Variants in PLCE1 observed in about 807,000 individuals in gnomAD.
The protein encoded by PLCE1 is phospholipase C epsilon 1, also known as 1-phosphatidylinositol 4,5-bisphosphate phosphodiesterase epsilon-1.
A neutral mutation model predicts 242.8 loss-of-function variants in PLCE1; 119 were observed. That is an observed-to-expected ratio of 0.49 (90% CI 0.42 to 0.57). The LOEUF is 0.57. Ranked by LOEUF, PLCE1 falls within the 20% of genes least tolerant of loss-of-function variation. The probability of loss-of-function intolerance (pLI) is 0.00; values close to 1 mark genes in which losing one functional copy is unlikely to be tolerated. For missense variants in PLCE1, 2,441 were observed against 2,788.8 expected (o/e 0.88, Z 2.81); for synonymous variants, 945 against 1,017.4 (o/e 0.93, Z 1.35).
In PLCE1 at chr10:94,253,564, A is replaced by C. The variant is rs374202593; in HGVS notation, c.3280-626A>C. 2.4e-3 allele frequency among the ~76,000 whole-genome samples: 372 copies of C among 152,224 alleles called. 3 individuals are homozygous for C. Among genetic ancestry groups the C allele is most frequent in the Admixed American group, 6.8e-3 (104 of 15,290 alleles). ...GAGACAGGGTCTCACTATGTTGCCC[A>C]GGCTGGTCTCGAACTCCAGGCCTTA... is the stretch of plus-strand genomic sequence containing the variant. On this transcript the variant is annotated intron_variant, in intron 9 of 32. Transcript: ENST00000371380.
intron 11 of PLCE1, among the ~76,000 whole-genome samples, 185 bp from the exon 12 acceptor site, chr10:94,258,615 T>C (rs2051185628): frequency 6.6e-6 from 1 of 152,222 alleles, no homozygotes; most frequent in South Asian, 2.1e-4. Context: ...ACATAGAACA[T>C]GTTTTATTTC....
intron 1 of PLCE1, among the ~76,000 whole-genome samples, chr10:93,999,806 C>T (rs1350651824): frequency 2.6e-5 from 4 of 152,190 alleles, no homozygotes; most frequent in South Asian, 2.1e-4. Flanking sequence ...TGCTCCAGCC[C>T]GGAATTCCAC....
At chr10:94,292,970 C>T (rs1338176671) in intron 22 of PLCE1, among the ~76,000 whole-genome samples, 4 of 152,320 alleles carry the variant, frequency 2.6e-5, no homozygotes, top group East Asian at 1.9e-4. Flanking sequence ...GAAAGAGAAG[C>T]CATAAACATC....
chr10:94,168,082 A>G (rs751171452), intron 3 of PLCE1, among the ~76,000 whole-genome samples: 1 of 152,188 alleles, frequency 6.6e-6, no homozygotes, highest in Non-Finnish European at 1.5e-5. Flanking sequence ...GAAGAGCCAC[A>G]GTGTCCAGTG....
At chr10:94,165,247 G>C (rs1467915607) in intron 3 of PLCE1, among the ~76,000 whole-genome samples, 1 of 152,188 alleles carries the variant, frequency 6.6e-6, no homozygotes, top group East Asian at 1.9e-4. Flanking sequence ...ACACAGGCAG[G>C]CAGGCCTCCT....
chr10:94,014,754 A>C (rs181815465), intron 1 of PLCE1, among the ~76,000 whole-genome samples: 45 of 152,352 alleles, frequency 3.0e-4, no homozygotes, highest in African/African-American at 9.9e-4. Context: ...ATCTTTAGGT[A>C]TACGCTGAAG....
At chr10:94,155,338 T>C (rs1374025666) in intron 3 of PLCE1, among the ~76,000 whole-genome samples, 2 of 152,204 alleles carry the variant, frequency 1.3e-5, no homozygotes, top group Admixed American at 1.3e-4. Context: ...ACAACATTGA[T>C]AAACCTTGAA....
At chr10:94,083,188 G>A (rs1192927940) in intron 2 of PLCE1, among the ~76,000 whole-genome samples, 2 of 152,150 alleles carry the variant, frequency 1.3e-5, no homozygotes, top group African/African-American at 4.8e-5. Context: ...GAATTAAGGT[G>A]AGCCCATAAC....
chr10:94,114,281 T>C (rs1303205977), intron 2 of PLCE1, among the ~76,000 whole-genome samples: 1 of 152,162 alleles, frequency 6.6e-6, no homozygotes, highest in Non-Finnish European at 1.5e-5. Context: ...TGGAGCAAAT[T>C]GGGCTCCCCA....
chr10:94,083,833 G>T (rs1328628369), intron 2 of PLCE1, among the ~76,000 whole-genome samples: 2 of 152,160 alleles, frequency 1.3e-5, no homozygotes, highest in Admixed American at 6.5e-5. Context: ...TTCAACAGGG[G>T]CCTGTTGCCA....
At chr10:94,269,212 C>T (rs1192827436) in intron 17 of PLCE1, among the ~76,000 whole-genome samples, 176 bp downstream of exon 17, 1 of 148,240 alleles carries the variant, frequency 6.7e-6, no homozygotes, top group Non-Finnish European at 1.5e-5. Flanking sequence ...AGAGATTCTC[C>T]TACATCAGCC....
rs887439044 is a variant in PLCE1, at chr10:94,324,351, C to G, written c.6504C>G (p.Thr2168=). Residue 2168 remains threonine, a splice_region_variant and synonymous_variant, in exon 31 of 33, where the codon ACC becomes ACG. Transcript: ENST00000371380. Reference sequence around the variant, plus strand: ...GTTGATCATAACTTACCTTTCAGACCTTATGCAAAGCCAAATATTCCTACA... The same window carrying G: ...GTTGATCATAACTTACCTTTCAGACGTTATGCAAAGCCAAATATTCCTACA... The part of the protein sequence containing the change: ...VSTAQDVIQQ[T]LCKAKYSYSI... 6.2e-7 allele frequency: 1 copy of G among 1,612,452 alleles called. No homozygotes were observed. The highest frequency in any genetic ancestry group is 8.5e-7 in the Non-Finnish European group (1 of 1,178,554).
At chr10:94,026,104 C>T (rs2061449381) in intron 1 of PLCE1, among the ~76,000 whole-genome samples, 1 of 152,136 alleles carries the variant, frequency 6.6e-6, no homozygotes. Flanking sequence ...TTGATTTAGC[C>T]CATGAAAACA....
At chr10:94,282,164 G>A (rs953920379) in intron 20 of PLCE1, among the ~76,000 whole-genome samples, 11 of 148,432 alleles carry the variant, frequency 7.4e-5, no homozygotes, top group South Asian at 2.2e-4. Context: ...CAGGGTGCCC[G>A]GTTTATCTCT....
chr10:94,015,377 G>C (rs2061258337), intron 1 of PLCE1, among the ~76,000 whole-genome samples: 1 of 152,172 alleles, frequency 6.6e-6, no homozygotes, highest in Admixed American at 6.5e-5. Flanking sequence ...AGGGTAGAAT[G>C]CTTTTCTTGA....
chr10:94,262,230 AC>A (rs1043261283), intron 13 of PLCE1, among the ~76,000 whole-genome samples: 1 of 151,928 alleles, frequency 6.6e-6, no homozygotes, highest in Non-Finnish European at 1.5e-5. Context: ...TGAGCTCCAG[AC>A]CTCAGGTGGT....
chr10:94,142,639 G>T (rs539612955), intron 3 of PLCE1, among the ~76,000 whole-genome samples: 1 of 152,356 alleles, frequency 6.6e-6, no homozygotes, highest in East Asian at 1.9e-4. Context: ...TGGTGATGAT[G>T]ATGGTAGTAA....
intron 4 of PLCE1, among the ~76,000 whole-genome samples, chr10:94,174,261 C>A (rs943075067): frequency 6.6e-6 from 1 of 151,870 alleles, no homozygotes; most frequent in Non-Finnish European, 1.5e-5. Flanking sequence ...TAATCCATAC[C>A]GATATAAATA....
chr10:94,314,800 T>C (rs557761100), intron 28 of PLCE1: 1 of 152,404 alleles, frequency 6.6e-6, no homozygotes, highest in South Asian at 2.1e-4. Context: ...GGCACATCTC[T>C]ATAGACAGGC....
Sources: gnomAD v4.1 joint callset for allele counts (sites outside exome capture counted in the v4.1 genomes callset) on GRCh38, gnomAD v4.1.1 for gene constraint, MANE v1.5 for transcripts, NCBI Gene and HGNC (gene_info 2026-07-23, HGNC 2026-07-21) for gene names.